PCM1: variants seen among roughly 807,000 people sequenced by gnomAD.
PCM1 encodes the protein pericentriolar material 1 protein.
In PCM1, 157 loss-of-function variants were observed where a neutral mutation model predicts 241.9. The ratio of observed to expected loss-of-function variants is 0.65; its 90% CI spans 0.57 to 0.74. The LOEUF is 0.74. PCM1 is among the 30% of genes least tolerant of loss of function. PCM1 has a pLI of 0.00. For missense variants in PCM1, 3,478 were observed against 2,360.1 expected, an observed-to-expected ratio of 1.47 and a Z score of -9.81; for synonymous variants, 1,085 against 784.9, an observed-to-expected ratio of 1.38 and a Z score of -6.39.
rs1472828440 is a variant in PCM1 at position 17,969,576 on chromosome 8, G to A, written c.3413-1G>A. The A allele has an allele frequency of 7.6e-6, 12 of 1,588,516 alleles. 1 individual carries two copies. In the Admixed American group the frequency reaches 1.9e-4, roughly 26 times the overall value. ...TCTTACCCATTGCTTTTACTGATTA[G>A]GTATGAATTTCAGCCCTTTATTTCC... On this transcript the variant is annotated splice_acceptor_variant, in intron 21 of 38. Coordinates refer to ENST00000325083, the MANE Select transcript of PCM1 (RefSeq NM_006197.4). LOFTEE classifies it high-confidence loss of function.
chr8:17,937,741 G>T (rs890787299), intron 4 of PCM1, among the ~76,000 whole-genome samples: 1 of 151,996 alleles, frequency 6.6e-6, no homozygotes, highest in Non-Finnish European at 1.5e-5. Flanking sequence ...GGATGTGCTG[G>T]GTTACCTCAA....
At chr8:17,927,217 C>A (rs2057341251) in intron 2 of PCM1, 1 of 150,268 alleles carries the variant, frequency 6.7e-6, no homozygotes, top group African/African-American at 2.5e-5. Flanking sequence ...TCCCTCTCCT[C>A]CCGAGTTCAA....
chr8:17,927,565 T>G (rs1451823758), intron 2 of PCM1: 1 of 152,206 alleles, frequency 6.6e-6, no homozygotes, highest in Non-Finnish European at 1.5e-5. Context: ...GATGTTCTTT[T>G]TTTTGGCGAT....
chr8:18,027,522 G>A (rs1217669392), intron 38 of PCM1, 115 bp from the exon 39 acceptor site: 1 of 638,864 alleles, frequency 1.6e-6, no homozygotes, highest in Non-Finnish European at 2.6e-6. Flanking sequence ...AGCTAATTTA[G>A]GATTTCTTTT....
chr8:17,927,112 C>T (rs1197311780), intron 2 of PCM1: 1 of 148,228 alleles, frequency 6.7e-6, no homozygotes, highest in Non-Finnish European at 1.5e-5. Flanking sequence ...TTTTTCGTTA[C>T]TGATCACTTT....
rs781151340 is a variant in PCM1 at position 17,938,862 on chromosome 8, T to A, written c.465T>A (p.Asp155Glu). 1.2e-6 allele frequency: 2 copies of A among 1,613,750 alleles called. No homozygotes were observed. Among genetic ancestry groups the A allele is most frequent in the Non-Finnish European group, 1.7e-6 (2 of 1,179,646 alleles). ...AGATTAATACTAACAAGAGCAAAGA[T>A]GCATCTACAAACCCCCCAAACAGAG... ...PMQINTNKSK[D>E]ASTNPPNRET... The change falls in exon 5 of 39, where the codon GAT (aspartate) becomes GAA (glutamate). Residue 155 changes from aspartate (D) to glutamate (E), a missense_variant. Physicochemically the swap from Asp to Glu is conservative, Grantham distance 45. Transcript: ENST00000325083.
intron 29 of PCM1, among the ~76,000 whole-genome samples, chr8:18,004,319 T>C (rs190933854): frequency 6.6e-6 from 1 of 152,304 alleles, no homozygotes; most frequent in Admixed American, 6.5e-5. Context: ...TATTAGGAAA[T>C]ATCAATGGTA....
chr8:17,923,402 G>A (rs2055344947), intron 1 of PCM1, among the ~76,000 whole-genome samples: 2 of 152,212 alleles, frequency 1.3e-5, no homozygotes, highest in Admixed American at 1.3e-4. Flanking sequence ...CCCCGGGTGA[G>A]CACCTCGCGA....
intron 34 of PCM1, among the ~76,000 whole-genome samples, chr8:18,012,421 A>C (rs748574783): frequency 9.2e-5 from 14 of 152,322 alleles, no homozygotes; most frequent in Admixed American, 2.0e-4. Flanking sequence ...GTTATTGTTA[A>C]TCTCTCACTG....
Position 17,955,992 on chromosome 8 carries a change from T to C in PCM1, c.1472+339T>C, listed in dbSNP as rs1334788769. The C allele has an allele frequency of 9.2e-6, 3 of 325,938 alleles. No homozygotes were observed. In the East Asian group the frequency reaches 2.4e-4, roughly 26 times the overall value. 20.2% of individuals were successfully genotyped at this position (325,938 alleles called of 1,614,324 possible). ...TGAAATTGTATCACACAAGGCTGTG[T>C]TACCCTGTACAAATAACTTAGCCTT... On this transcript the variant is annotated intron_variant, in intron 10 of 38. Coordinates refer to ENST00000325083, the MANE Select transcript of PCM1 (RefSeq NM_006197.4).
chr8:17,946,669 G>C lies in PCM1; in HGVS notation c.784-517G>C, dbSNP rs371410705. Among the ~76,000 whole-genome samples, 6 of 152,092 alleles carry C rather than the reference G, an allele frequency of 3.9e-5. No homozygotes were observed. In the South Asian group the frequency reaches 6.2e-4, roughly 16 times the overall value. The stretch of plus-strand genomic sequence containing the variant: ...ACACCGCCACACCCGGCTAATTTTT[G>C]TATTTTTAGTAGAGATGGGGTTTCA... On this transcript the variant is annotated intron_variant, in intron 6 of 38. Coordinates refer to ENST00000325083, the MANE Select transcript of PCM1 (RefSeq NM_006197.4).
At chr8:18,006,149 G>C in intron 29 of PCM1, 114 bp from the exon 30 acceptor site, 1 of 775,626 alleles carries the variant, frequency 1.3e-6, no homozygotes, top group Non-Finnish European at 2.0e-6. Flanking sequence ...TCTGAAAATT[G>C]AGGAGCATCT....
At position 17,969,443 on chromosome 8, in the gene PCM1, C is replaced by CT. The variant is rs879815188; in HGVS notation, c.3413-124dup. Reference sequence around the variant, plus strand: ...TGAACAGTGATTGGATAAATATTAGCTTTTTTTTTTAATTAACAGTTTTTT... The same window carrying CT: ...TGAACAGTGATTGGATAAATATTAGCTTTTTTTTTTTAATTAACAGTTTTTT... On this transcript the variant is annotated intron_variant, in intron 21 of 38. Transcript: ENST00000325083. 3.7e-3 allele frequency: 2,186 copies of CT among 598,144 alleles called. 2 individuals are homozygous for CT. The highest frequency in any genetic ancestry group is 8.7e-3 in the Middle Eastern group (18 of 2,076). 37.1% of individuals were successfully genotyped at this position (598,144 alleles called of 1,614,324 possible).
intron 26 of PCM1, among the ~76,000 whole-genome samples, chr8:17,986,659 T>G (rs1355017200): frequency 1.3e-5 from 2 of 151,770 alleles, no homozygotes; most frequent in African/African-American, 2.4e-5. Context: ...AGCACATCGT[T>G]GATTGAATAA....
chr8:17,956,889 C>T (rs984215955), intron 11 of PCM1, 112 bp downstream of exon 11: 3 of 865,618 alleles, frequency 3.5e-6, no homozygotes, highest in Admixed American at 2.4e-5. Context: ...TTTATTTAAG[C>T]TTTCTACTAT....
At position 18,025,227 on chromosome 8, in the gene PCM1, T is replaced by C. The variant is rs183396637; in HGVS notation, c.5842-134T>C. 2.1e-5 allele frequency: 11 copies of C among 513,042 alleles called. No homozygotes were observed. In the East Asian group the frequency reaches 3.9e-4, roughly 18 times the overall value. 31.8% of individuals were successfully genotyped at this position (513,042 alleles called of 1,614,324 possible). A position where few individuals can be genotyped will look rare whatever the true frequency, so the allele number is the denominator to read the frequency against. On this transcript the variant is annotated intron_variant, in intron 36 of 38. Coordinates refer to ENST00000325083, the MANE Select transcript of PCM1 (RefSeq NM_006197.4). ...GCTTTTCCTATGAACTGCATATTTC[T>C]AAATTATTCATAGAGCTGAATGTAG... is the stretch of plus-strand genomic sequence containing the variant.
In PCM1 at chr8:18,003,302, A is replaced by G. The variant is rs138377874; in HGVS notation, c.4828-2961A>G. On this transcript the variant is annotated intron_variant, in intron 29 of 38. Transcript: ENST00000325083. ...TGTAGTTGAGCTCTTTAGACGCTCT[A>G]AGTGTGAAAACAACTGGCCCATAGG... Among the ~76,000 whole-genome samples, 826 of 152,356 alleles carry G rather than the reference A, an allele frequency of 5.4e-3. 3 individuals carry two copies. Among genetic ancestry groups the G allele is most frequent in the African/African-American group, 0.017 (714 of 41,590 alleles).
chr8:17,944,421 T>G (rs1475254967), intron 6 of PCM1, among the ~76,000 whole-genome samples: 4 of 152,074 alleles, frequency 2.6e-5, no homozygotes, highest in Non-Finnish European at 2.9e-5. Context: ...TCAAAATACA[T>G]TAGGATCCAT....
At chr8:17,997,902 G>A (rs2087521744) in intron 29 of PCM1, among the ~76,000 whole-genome samples, 1 of 151,476 alleles carries the variant, frequency 6.6e-6, no homozygotes, top group Non-Finnish European at 1.5e-5. Context: ...TGGACATGGT[G>A]GTGCGCACCT....
Sources: gnomAD v4.1 joint callset for allele counts (sites outside exome capture counted in the v4.1 genomes callset) on GRCh38, gnomAD v4.1.1 for gene constraint, MANE v1.5 for transcripts, NCBI Gene and HGNC (gene_info 2026-07-23, HGNC 2026-07-21) for gene names.